PCDH15: variants seen among roughly 807,000 people sequenced by gnomAD.
The protein encoded by PCDH15 is protocadherin-15.
In PCDH15, 129 loss-of-function variants were observed where a neutral mutation model predicts 178.5. The observed-to-expected ratio is 0.72, with a 90% CI of 0.63 to 0.84. The LOEUF is 0.84. Ranked by LOEUF, PCDH15 falls within the 40% of genes least tolerant of loss-of-function variation. The pLI is 0.00. For missense variants in PCDH15, 2,230 were observed against 2,099.9 expected (o/e 1.06, Z -1.21); for synonymous variants, 800 against 732.0 (o/e 1.09, Z -1.50).
chr10:53,894,994 A>G (rs562200630), intron 26 of PCDH15, among the ~76,000 whole-genome samples: 8 of 152,304 alleles, frequency 5.3e-5, no homozygotes, highest in African/African-American at 1.7e-4. Context: ...AATTAGCTGC[A>G]CATGTTGGGA....
chr10:54,077,149 C>T (rs1048854678), intron 17 of PCDH15, among the ~76,000 whole-genome samples: 1 of 152,064 alleles, frequency 6.6e-6, no homozygotes, highest in Admixed American at 6.6e-5. Flanking sequence ...ATGCTTTCTA[C>T]TCTACTGATA....
At chr10:54,965,608 CATATATAT>C (rs71461263) in intron 2 of PCDH15, among the ~76,000 whole-genome samples, 34,483 of 141,238 alleles carry the variant, frequency 0.24, 4,764 homozygotes, top group East Asian at 0.6. Flanking sequence ...AACTTTGCTT[CATATATAT>C]ATATATATAT....
intron 1 of PCDH15, among the ~76,000 whole-genome samples, chr10:54,752,618 T>C (rs530289712): frequency 1.3e-5 from 2 of 152,166 alleles, no homozygotes; most frequent in South Asian, 4.1e-4. Context: ...CATGAATATA[T>C]TCAACTCAGT....
chr10:55,213,168 GT>G (rs1840613146), intron 1 of PCDH15, among the ~76,000 whole-genome samples: 1 of 152,174 alleles, frequency 6.6e-6, no homozygotes, highest in East Asian at 1.9e-4. Context: ...ATCTGGCATG[GT>G]TTTGGGATCA....
chr10:54,623,813 C>T (rs1478232826), intron 2 of PCDH15, among the ~76,000 whole-genome samples: 2 of 151,984 alleles, frequency 1.3e-5, no homozygotes, highest in African/African-American at 2.4e-5. Context: ...CTGGTATAGT[C>T]GACTACTAGT....
At chr10:54,822,931 G>C (rs1409304813) in intron 3 of PCDH15, among the ~76,000 whole-genome samples, 1 of 151,834 alleles carries the variant, frequency 6.6e-6, no homozygotes, top group Non-Finnish European at 1.5e-5. Context: ...GCCCAGGCTG[G>C]AGTGCAGTGG....
intron 1 of PCDH15, among the ~76,000 whole-genome samples, chr10:55,229,000 C>T (rs1841135553): frequency 6.6e-6 from 1 of 151,620 alleles, no homozygotes; most frequent in Admixed American, 6.6e-5. Flanking sequence ...AAAGTAAAGG[C>T]CCAAATGGGA....
chr10:55,579,886 C>T (rs1354897078), intron 2 of PCDH15, among the ~76,000 whole-genome samples: 2 of 151,894 alleles, frequency 1.3e-5, no homozygotes, highest in East Asian at 1.9e-4. Context: ...GAAAGAGTTT[C>T]GCTCTTGTTG....
chr10:55,225,650 T>TGAGAGAGA (rs56234985), intron 1 of PCDH15, among the ~76,000 whole-genome samples: 7 of 148,030 alleles, frequency 4.7e-5, no homozygotes, highest in South Asian at 2.1e-4. Context: ...TGTGTGTGTG[T>TGAGAGAGA]GAGAGAGAGA....
chr10:54,550,101 C>T (rs1479832765), intron 2 of PCDH15, among the ~76,000 whole-genome samples: 1 of 152,142 alleles, frequency 6.6e-6, no homozygotes, highest in Non-Finnish European at 1.5e-5. Flanking sequence ...AGCTTTCTTA[C>T]ATCAATAGAC....
intron 28 of PCDH15, among the ~76,000 whole-genome samples, chr10:53,855,724 T>C (rs910906298): frequency 1.2e-4 from 18 of 151,490 alleles, no homozygotes; most frequent in African/African-American, 4.4e-4. Context: ...ATAATTGACC[T>C]CTGTCAAACT....
At chr10:54,361,251 C>A (rs923250889) in intron 5 of PCDH15, among the ~76,000 whole-genome samples, 1 of 151,898 alleles carries the variant, frequency 6.6e-6, no homozygotes, top group African/African-American at 2.4e-5. Flanking sequence ...ACAAGTGGAC[C>A]CTCACAGTTA....
chr10:55,361,674 G>A (rs1845232990), intron 2 of PCDH15, among the ~76,000 whole-genome samples: 1 of 151,996 alleles, frequency 6.6e-6, no homozygotes, highest in Non-Finnish European at 1.5e-5. Context: ...AAGAATATAG[G>A]AATGAAGTTC....
intron 2 of PCDH15, among the ~76,000 whole-genome samples, chr10:54,948,543 C>G (rs1838249487): frequency 6.6e-6 from 1 of 151,870 alleles, no homozygotes. Flanking sequence ...ACTGAGTGAG[C>G]AGGAACTCCC....
At chr10:55,270,500 G>A (rs948200176) in intron 1 of PCDH15, among the ~76,000 whole-genome samples, 1 of 151,152 alleles carries the variant, frequency 6.6e-6, no homozygotes, top group African/African-American at 2.4e-5. Context: ...CAGACACTTC[G>A]CAAAAGAAGA....
chr10:54,359,141 C>A (rs1254388016), intron 5 of PCDH15, among the ~76,000 whole-genome samples: 4 of 151,118 alleles, frequency 2.6e-5, no homozygotes, highest in Non-Finnish European at 5.9e-5. Context: ...GCACATGTAC[C>A]CTAAAACTTA....
chr10:54,519,413 C>A (rs931958816), intron 3 of PCDH15, among the ~76,000 whole-genome samples: 122 of 151,712 alleles, frequency 8.0e-4, no homozygotes, highest in Admixed American at 1.6e-3. Context: ...TCTTATACAC[C>A]AATAACAGAC....
At chr10:54,235,447 A>T (rs773296648) in intron 9 of PCDH15, among the ~76,000 whole-genome samples, 2 of 152,080 alleles carry the variant, frequency 1.3e-5, no homozygotes, top group African/African-American at 2.4e-5. Flanking sequence ...ATAATTATCC[A>T]AGTCTGTTAT....
intron 1 of PCDH15, among the ~76,000 whole-genome samples, chr10:55,266,949 T>C (rs1465911401): frequency 2.6e-5 from 4 of 152,190 alleles, no homozygotes; most frequent in African/African-American, 9.7e-5. Flanking sequence ...TGTTAACATT[T>C]ACCCCTAGAT....
Sources: gnomAD v4.1 joint callset for allele counts (sites outside exome capture counted in the v4.1 genomes callset) on GRCh38, gnomAD v4.1.1 for gene constraint, MANE v1.5 for transcripts, NCBI Gene and HGNC (gene_info 2026-07-23, HGNC 2026-07-21) for gene names.